Variants in USP34 observed in about 807,000 individuals in gnomAD.
USP34 encodes ubiquitin specific peptidase 34, also known as ubiquitin carboxyl-terminal hydrolase 34.
In USP34, 70 loss-of-function variants were observed where a neutral mutation model predicts 460.3. The observed-to-expected ratio is 0.15, with a 90% CI of 0.13 to 0.19. The LOEUF is 0.19. Ranked by LOEUF, USP34 falls within the 10% of genes least tolerant of loss-of-function variation. USP34 has a pLI of 1.00. For synonymous variants in USP34, 1,647 were observed against 1,405.3 expected, an observed-to-expected ratio of 1.17 and a Z score of -3.85; for missense variants, 3,985 against 4,236.2, an observed-to-expected ratio of 0.94 and a Z score of 1.65.
At chr2:61,323,055 G>A (rs1214423022) in intron 21 of USP34, among the ~76,000 whole-genome samples, 6 of 152,100 alleles carry the variant, frequency 3.9e-5, no homozygotes, top group Admixed American at 6.5e-5. Context: ...AAGTAACTTC[G>A]TTATGGGTAA....
At position 61,188,694 on chromosome 2, in the gene USP34, G is replaced by A. The variant is rs779711208; in HGVS notation, c.10049C>T (p.Thr3350Ile). The A allele has an allele frequency of 6.2e-7, 1 of 1,613,350 alleles. No individual in the cohort carries two copies. The highest frequency in any genetic ancestry group is 8.5e-7 in the Non-Finnish European group (1 of 1,179,674). ...GCTAACACGCCGCCTTTTAATGGGA[G>A]TTGCTCCTTCATCATCTGTGAAAAC... is the stretch of plus-strand genomic sequence containing the variant. ...ERKTKDDEGA[T>I]PIKRRRVSSD... Residue 3350 changes from threonine (T) to isoleucine (I), a missense_variant, in exon 80 of 80, where the codon ACT becomes ATT. Thr to Ile is a moderately conservative substitution (Grantham distance 89). Coordinates refer to ENST00000398571, the MANE Select transcript of USP34 (RefSeq NM_014709.4).
chr2:61,277,045 T>G (rs1689392867), intron 41 of USP34, among the ~76,000 whole-genome samples: 1 of 152,170 alleles, frequency 6.6e-6, no homozygotes, highest in Non-Finnish European at 1.5e-5. Flanking sequence ...GAGACATTTG[T>G]TGGTTCAGAG....
At chr2:61,436,301 C>G (rs531912496) in intron 1 of USP34, among the ~76,000 whole-genome samples, 6 of 152,252 alleles carry the variant, frequency 3.9e-5, no homozygotes, top group African/African-American at 1.4e-4. Context: ...GCCTGTGCAA[C>G]AGAGCACAAC....
chr2:61,355,625 C>CAACAACAAA (rs1692079810), intron 10 of USP34, among the ~76,000 whole-genome samples: 1 of 151,836 alleles, frequency 6.6e-6, no homozygotes, highest in Non-Finnish European at 1.5e-5. Context: ...ACAACAACAA[C>CAACAACAAA]AACAACAACA....
At chr2:61,400,891 C>T (rs749627025) in intron 3 of USP34, among the ~76,000 whole-genome samples, 6 of 152,072 alleles carry the variant, frequency 3.9e-5, no homozygotes, top group Non-Finnish European at 7.4e-5. Flanking sequence ...GTAGCTTACG[C>T]CTGTAATCCC....
At chr2:61,349,130 TCTC>T in intron 13 of USP34, 117 bp downstream of exon 13, 4 of 1,256,768 alleles carry the variant, frequency 3.2e-6, no homozygotes, top group Non-Finnish European at 4.4e-6. Flanking sequence ...AAGGTTTACA[TCTC>T]CTCAAAATGA....
At chr2:61,306,750 C>T (rs1262032361) in intron 27 of USP34, among the ~76,000 whole-genome samples, 1 of 152,048 alleles carries the variant, frequency 6.6e-6, no homozygotes, top group Non-Finnish European at 1.5e-5. Context: ...AAATGCAAAT[C>T]AAAACCACAA....
intron 6 of USP34, 100 bp downstream of exon 6, chr2:61,383,169 A>G: frequency 5.4e-6 from 4 of 736,208 alleles, no homozygotes; most frequent in Non-Finnish European, 8.3e-6. Context: ...TCTCTAGAGG[A>G]TATGACTATA....
rs563443172 is a variant in USP34 at position 61,254,360 on chromosome 2, A to C, written c.6221+2024T>G. On this transcript the variant is annotated intron_variant, in intron 48 of 79. Coordinates refer to ENST00000398571, the MANE Select transcript of USP34 (RefSeq NM_014709.4). ...CCAACAATTACATTATTTCTCAGGC[A>C]GATATTCTGATAGATTCAATCACAC... 5.9e-4 allele frequency among the ~76,000 whole-genome samples: 90 copies of C among 152,314 alleles called. No homozygotes were observed. In the South Asian group the frequency reaches 0.018, roughly 31 times the overall value.
intron 62 of USP34, among the ~76,000 whole-genome samples, chr2:61,224,384 T>G (rs1166793840): frequency 1.3e-5 from 2 of 152,282 alleles, no homozygotes; most frequent in African/African-American, 2.4e-5. Flanking sequence ...CCAGACTTGA[T>G]GAGATCTAGG....
intron 68 of USP34, among the ~76,000 whole-genome samples, chr2:61,212,653 C>A (rs1446875343): frequency 6.6e-6 from 1 of 152,184 alleles, no homozygotes; most frequent in East Asian, 1.9e-4. Context: ...TGTCAATGAA[C>A]TGAAACCCCC....
rs942196643 is a variant in USP34, at chr2:61,295,264, T to A, written c.4281A>T (p.Glu1427Asp). The change falls in exon 31 of 80, where the codon GAA (glutamate) becomes GAT (aspartate). Residue 1427 changes from glutamate to aspartate, a missense_variant. Coordinates refer to ENST00000398571, the MANE Select transcript of USP34 (RefSeq NM_014709.4). Reference sequence around the variant, plus strand: ...TGTGGGCGCTCTTAATTTTGAGAAGTTCTTTCCAATTAAATCCATCATTAC... The same window carrying A: ...TGTGGGCGCTCTTAATTTTGAGAAGATCTTTCCAATTAAATCCATCATTAC... ...EQSNDGFNWK[E>D]LLKIKSAHKL... is the part of the protein sequence containing the mutation. 4.4e-6 allele frequency: 7 copies of A among 1,606,474 alleles called. No homozygotes were observed. The Admixed American group carries it at 8.5e-5, about 20-fold the overall frequency.
At chr2:61,200,599 C>T (rs1686947967) in intron 75 of USP34, 1 of 152,316 alleles carries the variant, frequency 6.6e-6, no homozygotes, top group South Asian at 2.1e-4. Context: ...CATTATAGGT[C>T]TTGAGATGTT....
intron 58 of USP34, 124 bp downstream of exon 58, chr2:61,232,328 G>C (rs1293636855): frequency 2.6e-6 from 2 of 775,694 alleles, no homozygotes; most frequent in Non-Finnish European, 4.1e-6. Context: ...TTTATGATAG[G>C]AGGCAGATCT....
At chr2:61,432,731 A>G (rs1002721076) in intron 1 of USP34, among the ~76,000 whole-genome samples, 1 of 152,126 alleles carries the variant, frequency 6.6e-6, no homozygotes, top group African/African-American at 2.4e-5. Context: ...TGGATAAGGT[A>G]AGGTGAAAAA....
chr2:61,359,779 GTTTTTTTTTTTT>G (rs35258583), intron 10 of USP34, among the ~76,000 whole-genome samples: 5 of 86,854 alleles, frequency 5.8e-5, no homozygotes, highest in Non-Finnish European at 9.0e-5. Flanking sequence ...GCCCACAGTT[GTTTTTTTTTTTT>G]TTTTTTTTTT....
At chr2:61,398,488 G>GGGGGAAGGAGGCGGAAGCA (rs761441365) in intron 3 of USP34, among the ~76,000 whole-genome samples, 7,130 of 119,352 alleles carry the variant, frequency 0.06, 497 homozygotes, top group East Asian at 0.14. Context: ...AGGCGGAAGC[G>GGGGGAAGGAGGCGGAAGCA]GGGGAAGGAG....
At chr2:61,419,057 T>C (rs1694282509) in intron 2 of USP34, among the ~76,000 whole-genome samples, 1 of 152,234 alleles carries the variant, frequency 6.6e-6, no homozygotes. Context: ...AAGACAGTAG[T>C]AGCTTTATTA....
intron 1 of USP34, among the ~76,000 whole-genome samples, chr2:61,455,273 G>A (rs999244472): frequency 1.3e-5 from 2 of 151,880 alleles, no homozygotes; most frequent in Admixed American, 6.6e-5. Flanking sequence ...CCGCCTCCCG[G>A]GTTCAAGCAA....
Sources: allele counts gnomAD v4.1 joint callset (sites outside exome capture counted in the v4.1 genomes callset), GRCh38; gene constraint gnomAD v4.1.1; transcripts MANE v1.5; gene names NCBI Gene and HGNC (gene_info 2026-07-23, HGNC 2026-07-21).